The following MTRR variants were observed in gnomAD, a reference collection of about 807,000 sequenced individuals.
MTRR encodes the protein methionine synthase reductase.
Under a neutral mutation model 79.2 loss-of-function variants are expected in MTRR, and 63 were observed. The observed-to-expected ratio is 0.80, with a 90% CI of 0.65 to 0.98. The LOEUF (loss-of-function observed/expected upper bound fraction) is 0.98. MTRR is among the 50% of genes least tolerant of loss of function. The pLI is 0.00. For missense variants in MTRR, 895 were observed against 839.6 expected, an observed-to-expected ratio of 1.07 and a Z score of -0.82; for synonymous variants, 355 against 313.3, an observed-to-expected ratio of 1.13 and a Z score of -1.41.
In MTRR at chr5:7,878,121, T is replaced by C. The variant is rs2126694174; in HGVS notation, c.579T>C (p.Leu193=). 3.7e-6 allele frequency: 6 copies of C among 1,614,110 alleles called. No homozygotes were observed. Among genetic ancestry groups the C allele is most frequent in the Non-Finnish European group, 5.1e-6 (6 of 1,180,028 alleles). Residue 193 remains leucine (L), a synonymous_variant, in exon 5 of 15, where the codon CTT becomes CTC. Transcript: ENST00000440940. The stretch of plus-strand genomic sequence containing the variant: ...TACACATTGAATCTCAAGTCGAGCT[T>C]CTGAGATTCGATGATTCAGGAAGAA... ...ELLHIESQVE[L]LRFDDSGRKD...
In MTRR at chr5:7,869,435, C is replaced by T. The variant is rs1314538811; in HGVS notation, c.-26+220C>T. 8 of 570,532 alleles carry T rather than the reference C, an allele frequency of 1.4e-5. No individual in the cohort carries two copies. In the East Asian group the frequency reaches 1.8e-4, roughly 13 times the overall value. The allele number at this position is 570,532 out of a possible 1,614,324, so 35.3% of individuals were successfully genotyped here. On this transcript the variant is annotated intron_variant, in intron 1 of 14. Coordinates refer to ENST00000440940, the MANE Select transcript of MTRR (RefSeq NM_002454.3). ...GGGAGCGTGTCCTTGGGCTCGGCGTCGGCCTCTGCCGCGGGAGGCCCCTGG... is the reference window on the plus strand; with the variant it reads ...GGGAGCGTGTCCTTGGGCTCGGCGTTGGCCTCTGCCGCGGGAGGCCCCTGG...
upstream of MTRR, chr5:7,867,390 C>G: frequency 6.2e-7 from 1 of 1,614,194 alleles, no homozygotes; most frequent in Non-Finnish European, 8.5e-7. Context: ...GTCACACAAC[C>G]TGAACTGTGC....
chr5:7,886,670 C>T lies in MTRR; in HGVS notation c.1113C>T (p.Thr371=). The change falls in exon 8 of 15, where the codon ACC becomes ACT. Residue 371 remains threonine (T), a synonymous_variant. Coordinates refer to ENST00000440940, the MANE Select transcript of MTRR (RefSeq NM_002454.3). ...GATGTTCTCTCCAGTTCATTTTTAC[C>T]TGGTGTCTTGAAATCCGAGCAATTC... ...PAGCSLQFIF[T]WCLEIRAIPK... is the part of the protein sequence containing the mutation. The T allele has an allele frequency of 6.2e-7, 1 of 1,613,870 alleles. No individual in the cohort carries two copies. Among genetic ancestry groups the T allele is most frequent in the Non-Finnish European group, 8.5e-7 (1 of 1,179,836 alleles).
At chr5:7,858,299 T>C (rs1172386168) in intron 1 of MTRR, among the ~76,000 whole-genome samples, 1 of 152,124 alleles carries the variant, frequency 6.6e-6, no homozygotes, top group African/African-American at 2.4e-5. Flanking sequence ...CTGTTTTAAG[T>C]CATCTAAGAG....
At chr5:7,858,445 T>C (rs951483281) in intron 1 of MTRR, among the ~76,000 whole-genome samples, 4 of 151,768 alleles carry the variant, frequency 2.6e-5, no homozygotes, top group South Asian at 2.1e-4. Flanking sequence ...TATCTCCTGC[T>C]CAATCTCAAT....
intron 3 of MTRR, among the ~76,000 whole-genome samples, chr5:7,874,778 A>G (rs1479651213): frequency 2.6e-5 from 4 of 152,140 alleles, no homozygotes; most frequent in Non-Finnish European, 2.9e-5. Context: ...GGCCTACTCA[A>G]CGCTGCTGTT....
At chr5:7,879,428 A>C (rs545429361) in intron 5 of MTRR, among the ~76,000 whole-genome samples, 5 of 138,622 alleles carry the variant, frequency 3.6e-5, no homozygotes, top group African/African-American at 1.4e-4. Flanking sequence ...GCGCCACTGC[A>C]CTCCAGCCTG....
Position 7,896,774 on chromosome 5 carries a change from C to T in MTRR, c.1677-90C>T, listed in dbSNP as rs1738591054. 4 of 988,152 alleles carry T rather than the reference C, an allele frequency of 4.0e-6. No homozygotes were observed. The Admixed American group carries it at 7.3e-5, about 18-fold the overall frequency. The allele number at this position is 988,152 out of a possible 1,614,324, so 61.2% of individuals were successfully genotyped here. A position where few individuals can be genotyped will look rare whatever the true frequency, so the allele number is the denominator to read the frequency against. On this transcript the variant is annotated intron_variant, in intron 12 of 14. Transcript: ENST00000440940. ...GCAGAGATGGATTTTACAAATCCGT[C>T]TGAGTTTGTTGGTGGTAGTTCCTAA...
At chr5:7,855,564 G>A (rs1379130226) in intron 1 of MTRR, among the ~76,000 whole-genome samples, 1 of 152,040 alleles carries the variant, frequency 6.6e-6, no homozygotes, top group Non-Finnish European at 1.5e-5. Flanking sequence ...CTGGAGAGCA[G>A]TGGCGTGATC....
At chr5:7,894,429 C>T (rs1473487270) in intron 11 of MTRR, among the ~76,000 whole-genome samples, 1 of 152,228 alleles carries the variant, frequency 6.6e-6, no homozygotes, top group Non-Finnish European at 1.5e-5. Flanking sequence ...TGGCTCTCTT[C>T]TTCCTATCTG....
chr5:7,858,468 CCTCT>C (rs1167170984), intron 1 of MTRR, among the ~76,000 whole-genome samples: 5 of 152,246 alleles, frequency 3.3e-5, no homozygotes, highest in African/African-American at 9.6e-5. Flanking sequence ...GCTTCCATTG[CCTCT>C]CTCTTTCTTT....
chr5:7,896,620 A>G, intron 12 of MTRR: 1 of 565,520 alleles, frequency 1.8e-6, no homozygotes, highest in Non-Finnish European at 3.2e-6. Flanking sequence ...TGATACTTTG[A>G]ATTGTCCTCA....
intron 6 of MTRR, among the ~76,000 whole-genome samples, chr5:7,883,791 G>A (rs1008176237): frequency 6.6e-6 from 1 of 152,182 alleles, no homozygotes; most frequent in Non-Finnish European, 1.5e-5. Context: ...TACTCAATAA[G>A]CCATGAAAGA....
At chr5:7,889,942 G>A (rs3756439) in intron 9 of MTRR, among the ~76,000 whole-genome samples, 6,697 of 152,152 alleles carry the variant, frequency 0.044, 275 homozygotes, top group East Asian at 0.19. Context: ...AGAGACCTCA[G>A]CATTGTCCCT....
Position 7,875,240 on chromosome 5 carries a change from TG to T in MTRR, c.284-17del, listed in dbSNP as rs746470598. 14 of 1,494,630 alleles carry T rather than the reference TG, an allele frequency of 9.4e-6. No homozygotes were observed. The South Asian group carries it at 1.6e-4, about 17-fold the overall frequency. 92.6% of individuals were successfully genotyped at this position (1,494,630 alleles called of 1,614,324 possible). A position where few individuals can be genotyped will look rare whatever the true frequency, so the allele number is the denominator to read the frequency against. On this transcript the variant is annotated splice_polypyrimidine_tract_variant and intron_variant, in intron 3 of 14. Coordinates refer to ENST00000440940, the MANE Select transcript of MTRR (RefSeq NM_002454.3). ...TTTAAACTTTATTGTGCATTAATTA[TG>T]TATTTGGGTTCTCTAGGTCTCGGTG...
At chr5:7,870,584 C>T (rs1010329962) in intron 1 of MTRR, among the ~76,000 whole-genome samples, 186 bp from the exon 2 acceptor site, 6 of 152,200 alleles carry the variant, frequency 3.9e-5, no homozygotes, top group Non-Finnish European at 8.8e-5. Flanking sequence ...TTCGTACACT[C>T]TCCTTAATTT....
intron 1 of MTRR, chr5:7,861,401 T>G (rs1746520306): frequency 1.7e-6 from 1 of 603,768 alleles, no homozygotes; most frequent in Non-Finnish European, 2.7e-6. Context: ...ATCATGAATT[T>G]GATCTTATTA....
intron 2 of MTRR, among the ~76,000 whole-genome samples, chr5:7,871,403 T>A (rs1402753011): frequency 1.3e-5 from 2 of 152,252 alleles, no homozygotes; most frequent in Admixed American, 1.3e-4. Flanking sequence ...CGGCTGCTTC[T>A]TCAGGGACTA....
At chr5:7,858,390 G>A (rs1043410848) in intron 1 of MTRR, among the ~76,000 whole-genome samples, 19 of 151,902 alleles carry the variant, frequency 1.3e-4, no homozygotes, top group African/African-American at 3.9e-4. Flanking sequence ...CCAAATGAGC[G>A]GCAAGGTCAG....
Sources: allele counts gnomAD v4.1 joint callset (sites outside exome capture counted in the v4.1 genomes callset), GRCh38; gene constraint gnomAD v4.1.1; transcripts MANE v1.5; gene names NCBI Gene and HGNC (gene_info 2026-07-23, HGNC 2026-07-21).